DLGAP2: variants seen among roughly 807,000 people sequenced by gnomAD.
The protein encoded by DLGAP2 is DLG associated protein 2.
In DLGAP2, 26 loss-of-function variants were observed where a neutral mutation model predicts 100.3. That is an observed-to-expected ratio of 0.26 (90% CI 0.19 to 0.36). The LOEUF (loss-of-function observed/expected upper bound fraction) is 0.36, where lower values mean the gene tolerates loss of function less well. Among genes scored for constraint, DLGAP2 ranks in the 10% least tolerant of loss-of-function variants. The pLI is 1.00. For missense variants in DLGAP2, 1,858 were observed against 1,453.2 expected (o/e 1.28, Z -4.53); for synonymous variants, 886 against 630.1 (o/e 1.41, Z -6.08).
intron 2 of DLGAP2, among the ~76,000 whole-genome samples, chr8:1,012,876 C>G (rs1371504880): frequency 6.6e-6 from 1 of 152,068 alleles, no homozygotes; most frequent in Non-Finnish European, 1.5e-5. Context: ...TCTGCTGAGA[C>G]CACTGTCCCA....
At chr8:1,488,916 A>G (rs997569992) in intron 3 of DLGAP2, among the ~76,000 whole-genome samples, 1 of 152,148 alleles carries the variant, frequency 6.6e-6, no homozygotes, top group Non-Finnish European at 1.5e-5. Context: ...AAATGCAGGC[A>G]TGTCATCCCC....
chr8:1,339,166 A>C (rs1801361850), intron 3 of DLGAP2, among the ~76,000 whole-genome samples: 2 of 150,258 alleles, frequency 1.3e-5, no homozygotes, highest in Admixed American at 1.3e-4. Flanking sequence ...GAGGGAAGGC[A>C]GTGACCTCAG....
chr8:1,349,856 C>T (rs1007846689), intron 3 of DLGAP2, among the ~76,000 whole-genome samples: 10 of 152,374 alleles, frequency 6.6e-5, no homozygotes, highest in Middle Eastern at 3.4e-3. Flanking sequence ...ATAATAAATT[C>T]TGTACCTCAG....
At chr8:1,086,178 T>A (rs1397474045) in intron 2 of DLGAP2, among the ~76,000 whole-genome samples, 3 of 152,146 alleles carry the variant, frequency 2.0e-5, no homozygotes, top group Admixed American at 1.3e-4. Flanking sequence ...GTTTGTAGGG[T>A]TTTCTATATA....
chr8:1,342,612 G>A (rs180705750), intron 3 of DLGAP2, among the ~76,000 whole-genome samples: 2 of 152,314 alleles, frequency 1.3e-5, no homozygotes, highest in East Asian at 1.9e-4. Context: ...GCTGTGCACC[G>A]TGCTGGCATT....
At chr8:840,334 T>G (rs71516116) in intron 1 of DLGAP2, among the ~76,000 whole-genome samples, 1 of 17,240 alleles carries the variant, frequency 5.8e-5, no homozygotes, top group African/African-American at 2.6e-4. Flanking sequence ...TCCCCACACT[T>G]TGGATTCTGC....
intron 3 of DLGAP2, among the ~76,000 whole-genome samples, chr8:1,269,328 G>C (rs1048152220): frequency 6.6e-6 from 1 of 152,204 alleles, no homozygotes; most frequent in African/African-American, 2.4e-5. Context: ...CTCCTGGTAC[G>C]GGGAGGATGG....
chr8:1,191,321 C>T (rs949529355), intron 2 of DLGAP2, among the ~76,000 whole-genome samples: 1 of 151,920 alleles, frequency 6.6e-6, no homozygotes, highest in Non-Finnish European at 1.5e-5. Flanking sequence ...CAGGCACCCG[C>T]CACCACGCCC....
chr8:787,002 G>A (rs1434676297), intron 1 of DLGAP2, among the ~76,000 whole-genome samples: 1 of 152,174 alleles, frequency 6.6e-6, no homozygotes, highest in Non-Finnish European at 1.5e-5. Flanking sequence ...CCAGGAACAA[G>A]ACCTTTCTCT....
intron 2 of DLGAP2, among the ~76,000 whole-genome samples, chr8:1,252,726 A>G (rs1320928714): frequency 6.6e-6 from 1 of 152,252 alleles, no homozygotes; most frequent in Non-Finnish European, 1.5e-5. Context: ...CATGGCGGCC[A>G]GGCAGGCCTG....
chr8:1,332,650 G>A (rs1801185575), intron 3 of DLGAP2, among the ~76,000 whole-genome samples: 1 of 152,156 alleles, frequency 6.6e-6, no homozygotes, highest in African/African-American at 2.4e-5. Flanking sequence ...TGACTGGCTG[G>A]CCTTTGGCCT....
intron 8 of DLGAP2, among the ~76,000 whole-genome samples, chr8:1,638,876 G>A (rs970274663): frequency 6.6e-6 from 1 of 152,262 alleles, no homozygotes; most frequent in South Asian, 2.1e-4. Context: ...CAGCGATGGG[G>A]CTGTGCCGTT....
chr8:1,431,580 C>T (rs1797441104), intron 3 of DLGAP2, among the ~76,000 whole-genome samples: 1 of 152,234 alleles, frequency 6.6e-6, no homozygotes, highest in Non-Finnish European at 1.5e-5. Context: ...CCAAAGGCAG[C>T]ACTGGCCACA....
At chr8:1,018,703 T>C (rs1234657407) in intron 2 of DLGAP2, 1 of 152,256 alleles carries the variant, frequency 6.6e-6, no homozygotes, top group African/African-American at 2.4e-5. Context: ...ATTGACTATT[T>C]TAGGTCATAT....
At chr8:966,692 T>C (rs958765947) in intron 2 of DLGAP2, among the ~76,000 whole-genome samples, 14 of 152,238 alleles carry the variant, frequency 9.2e-5, no homozygotes, top group Non-Finnish European at 1.9e-4. Context: ...TTTTTGCTAC[T>C]GGTGGAGTCT....
intron 8 of DLGAP2, among the ~76,000 whole-genome samples, chr8:1,648,725 G>A (rs185861410): frequency 4.6e-4 from 70 of 152,216 alleles, no homozygotes; most frequent in African/African-American, 1.6e-3. Context: ...CCCAGCTTCC[G>A]GCCTCTTTCC....
intron 2 of DLGAP2, among the ~76,000 whole-genome samples, chr8:1,060,810 G>C (rs1225158595): frequency 1.3e-5 from 2 of 152,172 alleles, no homozygotes; most frequent in Non-Finnish European, 2.9e-5. Flanking sequence ...CTCCCTGTGG[G>C]CCTGGGAGGA....
intron 2 of DLGAP2, among the ~76,000 whole-genome samples, chr8:1,178,975 C>A (rs1208547227): frequency 6.9e-6 from 1 of 145,926 alleles, no homozygotes; most frequent in African/African-American, 2.5e-5. Context: ...GTCTCCAGTT[C>A]ACCAGCTTTA....
chr8:1,700,384 G>A (rs1045540066), intron 14 of DLGAP2, among the ~76,000 whole-genome samples: 3 of 72,168 alleles, frequency 4.2e-5, no homozygotes, highest in African/African-American at 7.9e-5. Context: ...AAGGGGAGAC[G>A]GGGCAGGTCC....
Sources: allele counts gnomAD v4.1 joint callset (sites outside exome capture counted in the v4.1 genomes callset), GRCh38; gene constraint gnomAD v4.1.1; transcripts MANE v1.5; gene names NCBI Gene and HGNC (gene_info 2026-07-23, HGNC 2026-07-21).